Variants in ZBTB11 observed in about 807,000 individuals in gnomAD.
ZBTB11 encodes the protein zinc finger and BTB domain containing 11, also known as zinc finger and BTB domain-containing protein 11.
A neutral mutation model predicts 113.1 loss-of-function variants in ZBTB11; 68 were observed. The observed-to-expected ratio is 0.60, with a 90% CI of 0.49 to 0.74. The LOEUF (loss-of-function observed/expected upper bound fraction) is 0.74. Ranked by LOEUF, ZBTB11 falls within the 30% of genes least tolerant of loss-of-function variation. ZBTB11 has a pLI of 0.00. For missense variants in ZBTB11, 1,104 were observed against 1,279.4 expected, an observed-to-expected ratio of 0.86 and a Z score of 2.09; for synonymous variants, 518 against 452.6, an observed-to-expected ratio of 1.14 and a Z score of -1.83.
chr3:101,660,156 A>G (rs1265344833), intron 5 of ZBTB11, 128 bp from the exon 6 acceptor site: 6 of 908,538 alleles, frequency 6.6e-6, no homozygotes, highest in Non-Finnish European at 9.8e-6. Context: ...GTAAAAAACA[A>G]TAGGTACTAG....
At chr3:101,656,972 T>A (rs202072430) in intron 6 of ZBTB11, among the ~76,000 whole-genome samples, 1 of 142,740 alleles carries the variant, frequency 7.0e-6, no homozygotes, top group Non-Finnish European at 1.5e-5. Context: ...TGTTTCTACT[T>A]AAAAAAAAAA....
chr3:101,654,701 T>TA lies in ZBTB11; in HGVS notation c.2309+2dup. On this transcript the variant is annotated splice_region_variant and intron_variant, in intron 8 of 10. Transcript: ENST00000312938. ...CTGAATGCCTCACATATTGAATACT[T>TA]ACTGAGTACAATGATAGCCTCGAAC... 1 of 1,611,708 alleles carries TA rather than the reference T, an allele frequency of 6.2e-7. No individual in the cohort carries two copies. The highest frequency in any genetic ancestry group is 8.5e-7 in the Non-Finnish European group (1 of 1,178,096).
chr3:101,662,466 A>T (rs1352381040), intron 5 of ZBTB11, among the ~76,000 whole-genome samples: 2 of 152,142 alleles, frequency 1.3e-5, no homozygotes, highest in Non-Finnish European at 2.9e-5. Flanking sequence ...CTCTACTAAA[A>T]ATACAAAATT....
At chr3:101,659,669 C>T in intron 6 of ZBTB11, 114 bp downstream of exon 6, 1 of 1,330,380 alleles carries the variant, frequency 7.5e-7, no homozygotes, top group Non-Finnish European at 1.0e-6. Context: ...CATAAATTTA[C>T]CTGACATTTT....
chr3:101,652,898 G>A lies in ZBTB11; in HGVS notation c.2350C>T (p.His784Tyr). 1 of 1,613,758 alleles carries A rather than the reference G, an allele frequency of 6.2e-7. No homozygotes were observed. Among genetic ancestry groups the A allele is most frequent in the African/African-American group, 1.3e-5 (1 of 75,000 alleles). Residue 784 changes from histidine (H) to tyrosine (Y), a missense_variant, in exon 9 of 11, where the codon CAC (histidine) becomes TAC (tyrosine). Physicochemically the swap from His to Tyr is moderately conservative, Grantham distance 83 (BLOSUM62 2). Transcript: ENST00000312938. ...TTCACACCAAGATGTTTGTTCATGT[G>A]CTGGCGAAGATCTCTAGCTTCAAAG... ...SFFEARDLRQ[H>Y]MNKHLGVKPF...
intron 3 of ZBTB11, among the ~76,000 whole-genome samples, chr3:101,669,911 G>A (rs983513327): frequency 1.8e-4 from 27 of 150,814 alleles, no homozygotes; most frequent in South Asian, 4.2e-4. Flanking sequence ...TCACCGCAAC[G>A]TCCACCTCCC....
chr3:101,662,139 T>C (rs1936900673), intron 5 of ZBTB11: 1 of 152,176 alleles, frequency 6.6e-6, no homozygotes, highest in Admixed American at 6.5e-5. Flanking sequence ...GAACAGTCAA[T>C]TGAGATAACT....
chr3:101,661,634 C>A (rs532077604), intron 5 of ZBTB11, among the ~76,000 whole-genome samples: 1 of 152,270 alleles, frequency 6.6e-6, no homozygotes, highest in South Asian at 2.1e-4. Context: ...TGATCCTTAT[C>A]CTTTTTATGA....
Position 101,652,800 on chromosome 3 carries a change from A to G in ZBTB11, c.2448T>C (p.His816=). ...CTCACCTATAAGGCTCAGTGACAGAATGAGACTTCACATGGGAATACCAAT... is the reference window on the plus strand; with the variant it reads ...CTCACCTATAAGGCTCAGTGACAGAGTGAGACTTCACATGGGAATACCAAT... ...KKDWYSHVKS[H]SVTEPYRCNI... The change falls in exon 9 of 11, where the codon CAT becomes CAC. Residue 816 remains histidine (H), a synonymous_variant. Transcript: ENST00000312938. 1 of 1,613,804 alleles carries G rather than the reference A, an allele frequency of 6.2e-7. No homozygotes were observed. The highest frequency in any genetic ancestry group is 1.1e-5 in the South Asian group (1 of 91,062).
chr3:101,658,257 ACT>A (rs1230824033), intron 6 of ZBTB11, among the ~76,000 whole-genome samples: 3 of 146,798 alleles, frequency 2.0e-5, no homozygotes, highest in South Asian at 2.2e-4. Context: ...ACGGAGTCTC[ACT>A]CTGTCGCCCA....
chr3:101,662,378 T>C (rs921262268), intron 5 of ZBTB11, among the ~76,000 whole-genome samples: 3 of 152,132 alleles, frequency 2.0e-5, no homozygotes, highest in African/African-American at 7.2e-5. Context: ...TAATCCCAGC[T>C]CTCTGGGAGG....
chr3:101,649,797 T>C lies in ZBTB11; in HGVS notation c.*1369A>G, dbSNP rs1936666806. ...AAGTAAACTGGGAGAGGCAACTTAG[T>C]AATATATGTACATCAAGGCACATTC... is the stretch of plus-strand genomic sequence containing the variant. On this transcript the variant is annotated 3_prime_UTR_variant, in exon 11 of 11. Transcript: ENST00000312938. 1 of 152,664 alleles carries C rather than the reference T, an allele frequency of 6.6e-6. No homozygotes were observed. The highest frequency in any genetic ancestry group is 6.5e-5 in the Admixed American group (1 of 15,282). The allele number at this position is 152,664 out of a possible 1,614,324, so 9.5% of individuals were successfully genotyped here.
chr3:101,651,169 T>C lies in ZBTB11; in HGVS notation c.3159A>G (p.Glu1053=). The C allele has an allele frequency of 6.3e-7, 1 of 1,574,918 alleles. No individual in the cohort carries two copies. Among genetic ancestry groups the C allele is most frequent in the African/African-American group, 1.4e-5 (1 of 73,680 alleles). The change falls in exon 11 of 11, where the codon GAA becomes GAG. Residue 1053 remains glutamate (E), a synonymous_variant. Coordinates refer to ENST00000312938, the MANE Select transcript of ZBTB11 (RefSeq NM_014415.4). ...CTTTTTATCTTCATTAACATACTCA[T>C]TCTCCTCCTGAAATATGTGCTACCT... ...KVEVAHISGG[E]
chr3:101,652,663 A>G lies in ZBTB11; in HGVS notation c.2477T>C (p.Ile826Thr). 6.2e-7 allele frequency: 1 copy of G among 1,613,632 alleles called. No individual in the cohort carries two copies. Among genetic ancestry groups the G allele is most frequent in the Non-Finnish European group, 8.5e-7 (1 of 1,179,932 alleles). The change falls in exon 10 of 11, where the codon ATA (isoleucine) becomes ACA (threonine). Residue 826 changes from isoleucine (I) to threonine (T), a missense_variant. By Grantham distance (89) the Ile-to-Thr change is moderately conservative. Transcript: ENST00000312938. ...HSVTEPYRCN[I>T]CGKEFYEKAL... is the part of the protein sequence containing the mutation. ...TTTTTCATAAAATTCTTTGCCACAT[A>G]TATTACACCTAAAATAGGGGAAAAG... is the stretch of plus-strand genomic sequence containing the variant.
At chr3:101,660,478 T>A (rs1024332210) in intron 5 of ZBTB11, among the ~76,000 whole-genome samples, 4 of 152,224 alleles carry the variant, frequency 2.6e-5, no homozygotes, top group Non-Finnish European at 5.9e-5. Context: ...GCTTACCCTC[T>A]GCAAAACCTA....
In ZBTB11 at chr3:101,665,448, A is replaced by T; in HGVS notation, c.1139T>A (p.Val380Glu). Residue 380 changes from valine to glutamate, a missense_variant, in exon 4 of 11, where the codon GTA (valine) becomes GAA (glutamate). Coordinates refer to ENST00000312938, the MANE Select transcript of ZBTB11 (RefSeq NM_014415.4). ...AACCTGGGGCTCAGGCTGTCGTCCT[A>T]CCTCTCCATTCTGCTCAGCTTCTGG... Reference protein sequence around the residue: ...ELPEAEQNGEVGRQPEPQVSS... With the variant: ...ELPEAEQNGEEGRQPEPQVSS... 1 of 1,614,062 alleles carries T rather than the reference A, an allele frequency of 6.2e-7. No homozygotes were observed. Among genetic ancestry groups the T allele is most frequent in the Non-Finnish European group, 8.5e-7 (1 of 1,180,006 alleles).
chr3:101,651,414 T>A lies in ZBTB11; in HGVS notation c.2914A>T (p.Met972Leu). The change falls in exon 11 of 11, where the codon ATG (methionine) becomes TTG (leucine). Residue 972 changes from methionine (M) to leucine (L), a missense_variant. This residue lies in a region of ZBTB11 where 90 missense variants were observed against 98.0 expected (regional missense o/e 0.92). Coordinates refer to ENST00000312938, the MANE Select transcript of ZBTB11 (RefSeq NM_014415.4). ...GGACCACTGCTTTCTTGTTCCTGCA[T>A]GCCTGCTGTTAAGATGCTAACAGCA... ...AHAVSILTAG[M>L]QEQESSGPQE... The A allele has an allele frequency of 6.2e-7, 1 of 1,614,208 alleles. No homozygotes were observed. The highest frequency in any genetic ancestry group is 8.5e-7 in the Non-Finnish European group (1 of 1,180,032).
intron 3 of ZBTB11, 123 bp downstream of exon 3, chr3:101,671,007 A>C: frequency 1.3e-6 from 1 of 742,570 alleles, no homozygotes; most frequent in Non-Finnish European, 2.2e-6. Flanking sequence ...AGTACAGCTT[A>C]GTCTACTGTT....
At chr3:101,665,998 C>T (rs1242699832) in intron 3 of ZBTB11, among the ~76,000 whole-genome samples, 190 bp from the exon 4 acceptor site, 4 of 152,176 alleles carry the variant, frequency 2.6e-5, no homozygotes, top group Non-Finnish European at 5.9e-5. Context: ...AGCTAAGTCT[C>T]AGTACCTAAT....
Sources: allele counts gnomAD v4.1 joint callset (sites outside exome capture counted in the v4.1 genomes callset), GRCh38; gene constraint gnomAD v4.1.1; regional missense constraint gnomAD v4.1.1; transcripts MANE v1.5; gene names NCBI Gene and HGNC (gene_info 2026-07-23, HGNC 2026-07-21).